CDH20: variants seen among roughly 807,000 people sequenced by gnomAD.
CDH20 encodes the protein cadherin 20.
CDH20 carries 29 observed loss-of-function variants against 74.2 expected under a neutral mutation model. That is an observed-to-expected ratio of 0.39 (90% CI 0.29 to 0.53). CDH20 has a LOEUF of 0.53. Among genes scored for constraint, CDH20 ranks in the 20% least tolerant of loss-of-function variants. The pLI, the probability that CDH20 is intolerant of heterozygous loss-of-function variation, is 0.69. For missense variants in CDH20, 988 were observed against 1,048.3 expected (o/e 0.94, Z 0.79); for synonymous variants, 469 against 405.4 (o/e 1.16, Z -1.88).
intron 1 of CDH20, among the ~76,000 whole-genome samples, chr18:61,399,176 C>T (rs1222754551): frequency 7.5e-6 from 1 of 132,872 alleles, no homozygotes; most frequent in Non-Finnish European, 1.6e-5. Flanking sequence ...ACTGCATAGT[C>T]ATTCATTGCT....
At chr18:61,542,901 C>A (rs1432073003) in intron 9 of CDH20, among the ~76,000 whole-genome samples, 2 of 152,184 alleles carry the variant, frequency 1.3e-5, no homozygotes, top group Non-Finnish European at 2.9e-5. Context: ...GAACTCAACT[C>A]ATCACCAGGA....
chr18:61,424,058 A>G (rs1046544204), intron 1 of CDH20, among the ~76,000 whole-genome samples: 1 of 152,354 alleles, frequency 6.6e-6, no homozygotes, highest in African/African-American at 2.4e-5. Flanking sequence ...ACTTGAGTAT[A>G]TGCAACAGTG....
intron 1 of CDH20, among the ~76,000 whole-genome samples, chr18:61,381,389 G>A (rs1473717117): frequency 1.3e-5 from 2 of 152,188 alleles, no homozygotes; most frequent in South Asian, 2.1e-4. Context: ...AAAAAGTAAT[G>A]TTAGTCTGTT....
At chr18:61,404,191 C>A (rs761070576) in intron 1 of CDH20, among the ~76,000 whole-genome samples, 7 of 152,090 alleles carry the variant, frequency 4.6e-5, no homozygotes, top group Non-Finnish European at 1.0e-4. Flanking sequence ...CAAACCTGCA[C>A]GTCCTGCACA....
chr18:61,395,903 C>A (rs1034955512), intron 1 of CDH20, among the ~76,000 whole-genome samples: 1 of 152,154 alleles, frequency 6.6e-6, no homozygotes, highest in Non-Finnish European at 1.5e-5. Flanking sequence ...CGTGGTGGCA[C>A]ATGCCTGTAA....
chr18:61,515,081 G>C (rs1285239849), intron 6 of CDH20, among the ~76,000 whole-genome samples: 7 of 152,122 alleles, frequency 4.6e-5, no homozygotes, highest in Non-Finnish European at 1.0e-4. Flanking sequence ...GGGCAATGGC[G>C]GGCGCCCCTC....
chr18:61,339,134 G>A (rs1406427686), intron 1 of CDH20, among the ~76,000 whole-genome samples: 1 of 152,040 alleles, frequency 6.6e-6, no homozygotes, highest in East Asian at 1.9e-4. Flanking sequence ...AGGGGGGTGA[G>A]AAAGTAGGAA....
chr18:61,367,661 G>T (rs2144148184), intron 1 of CDH20, among the ~76,000 whole-genome samples: 1 of 152,194 alleles, frequency 6.6e-6, no homozygotes, highest in African/African-American at 2.4e-5. Flanking sequence ...TGACTCTTCT[G>T]CCCTCCTCTT....
intron 6 of CDH20, among the ~76,000 whole-genome samples, chr18:61,514,480 G>A (rs1307202273): frequency 6.6e-6 from 1 of 151,990 alleles, no homozygotes; most frequent in African/African-American, 2.4e-5. Context: ...TTGATCCTCT[G>A]AAGCCTTCTT....
At chr18:61,526,002 GGTCTCATTAGGTT>G (rs1474776732) in intron 6 of CDH20, among the ~76,000 whole-genome samples, 1 of 119,950 alleles carries the variant, frequency 8.3e-6, no homozygotes, top group Non-Finnish European at 1.7e-5. Flanking sequence ...TAGCGATGTA[GGTCTCATTAGGTT>G]GTCTTGGCTG....
At chr18:61,518,513 C>T (rs1261455956) in intron 6 of CDH20, among the ~76,000 whole-genome samples, 1 of 146,618 alleles carries the variant, frequency 6.8e-6, no homozygotes, top group Non-Finnish European at 1.5e-5. Flanking sequence ...TCCAGCAGAC[C>T]TGCAGCAGAG....
intron 5 of CDH20, among the ~76,000 whole-genome samples, chr18:61,507,036 G>A (rs1394800121): frequency 6.6e-6 from 1 of 152,162 alleles, no homozygotes; most frequent in Non-Finnish European, 1.5e-5. Flanking sequence ...TGCAATTTAA[G>A]GAAATACTTC....
chr18:61,394,008 A>G (rs531337695), intron 1 of CDH20, among the ~76,000 whole-genome samples: 36 of 152,270 alleles, frequency 2.4e-4, no homozygotes, highest in African/African-American at 8.7e-4. Context: ...TAATAATCTG[A>G]TGGCGTCTCA....
chr18:61,450,962 G>C (rs1338263651), intron 1 of CDH20, among the ~76,000 whole-genome samples: 1 of 151,896 alleles, frequency 6.6e-6, no homozygotes, highest in Non-Finnish European at 1.5e-5. Context: ...TTATACGTTT[G>C]TGAAATTAAT....
chr18:61,421,464 G>A lies in CDH20; in HGVS notation c.-152-68938G>A, dbSNP rs145055231. On this transcript the variant is annotated intron_variant, in intron 1 of 11. Coordinates refer to ENST00000262717, the MANE Select transcript of CDH20 (RefSeq NM_031891.4). ...CTAAATCTCTGAGTCTCTGGCAATC[G>A]GGCTTAAATGTTTCACTATCTAATC... Among the ~76,000 whole-genome samples the A allele has an allele frequency of 1.1e-3, 169 of 152,022 alleles. 2 individuals are homozygous for A. Among genetic ancestry groups the A allele is most frequent in the African/African-American group, 3.6e-3 (151 of 41,444 alleles).
intron 6 of CDH20, among the ~76,000 whole-genome samples, chr18:61,512,808 C>A (rs542742503): frequency 1.3e-5 from 2 of 151,820 alleles, no homozygotes; most frequent in Admixed American, 6.6e-5. Flanking sequence ...TGTAGTTGAG[C>A]GGTTTTGAGT....
At chr18:61,507,302 A>T in intron 5 of CDH20, 71 bp from the exon 6 acceptor site, 1 of 1,402,952 alleles carries the variant, frequency 7.1e-7, no homozygotes, top group South Asian at 1.2e-5. Flanking sequence ...AGCACTCCTG[A>T]TATGATAATG....
At position 61,506,903 on chromosome 18, in the gene CDH20, G is replaced by A. The variant is rs1911585022; in HGVS notation, c.830-470G>A. On this transcript the variant is annotated intron_variant, in intron 5 of 11. Coordinates refer to ENST00000262717, the MANE Select transcript of CDH20 (RefSeq NM_031891.4). ...ACTGATCTCCATGACCTCTGAGCAG[G>A]TGTTGCTGGAGACAGGCACTCAGCA... is the stretch of plus-strand genomic sequence containing the variant. Among the ~76,000 whole-genome samples the A allele has an allele frequency of 3.3e-5, 5 of 152,120 alleles. No individual in the cohort carries two copies. In the South Asian group the frequency reaches 1.0e-3, roughly 32 times the overall value.
intron 2 of CDH20, 98 bp downstream of exon 2, chr18:61,490,897 A>G (rs907007658): frequency 3.0e-5 from 40 of 1,318,132 alleles, no homozygotes; most frequent in Non-Finnish European, 4.3e-6. Flanking sequence ...GAGACCTGAG[A>G]AAAACTAGAA....
Sources: gnomAD v4.1 joint callset for allele counts (sites outside exome capture counted in the v4.1 genomes callset) on GRCh38, gnomAD v4.1.1 for gene constraint, MANE v1.5 for transcripts, NCBI Gene and HGNC (gene_info 2026-07-23, HGNC 2026-07-21) for gene names.